FANK1: variants seen among roughly 807,000 people sequenced by gnomAD.
FANK1 encodes the protein fibronectin type III and ankyrin repeat domains 1.
Under a neutral mutation model 45.3 loss-of-function variants are expected in FANK1, and 44 were observed. The ratio of observed to expected loss-of-function variants is 0.97; its 90% CI spans 0.76 to 1.25. The LOEUF is 1.25. Ranked by LOEUF, FANK1 falls within the 50% of genes most tolerant of loss-of-function variation. The pLI, the probability that FANK1 is intolerant of heterozygous loss-of-function variation, is 0.00. For synonymous variants in FANK1, 149 were observed against 152.5 expected, an observed-to-expected ratio of 0.98 and a Z score of 0.17; for missense variants, 391 against 424.4, an observed-to-expected ratio of 0.92 and a Z score of 0.69.
intron 6 of FANK1, among the ~76,000 whole-genome samples, chr10:126,001,803 C>A (rs1590236846): frequency 6.6e-6 from 1 of 151,752 alleles, no homozygotes; most frequent in East Asian, 2.0e-4. Context: ...TCAATGAGCT[C>A]ATTGCTGGGC....
rs56736210 is a variant in FANK1, at chr10:125,907,572, A to ATGTG, written c.13+10937_13+10940dup. 3.1e-5 allele frequency: 22 copies of ATGTG among 701,060 alleles called. No homozygotes were observed. The South Asian group carries it at 3.8e-4, about 12-fold the overall frequency. The allele number at this position is 701,060 out of a possible 1,614,324, so 43.4% of individuals were successfully genotyped here. A position where few individuals can be genotyped will look rare whatever the true frequency, so the allele number is the denominator to read the frequency against. Reference sequence around the variant, plus strand: ...AATGTGATGGGTTGTTACTCCTGGGATGTGTGTGTGTGTGTGTGTGTGTAT... The same window carrying ATGTG: ...AATGTGATGGGTTGTTACTCCTGGGATGTGTGTGTGTGTGTGTGTGTGTGTGTAT... On this transcript the variant is annotated intron_variant, in intron 1 of 10. Coordinates refer to ENST00000368693, the MANE Select transcript of FANK1 (RefSeq NM_145235.5).
chr10:125,913,114 G>A (rs1238132765), intron 1 of FANK1, among the ~76,000 whole-genome samples: 1 of 152,168 alleles, frequency 6.6e-6, no homozygotes, highest in African/African-American at 2.4e-5. Context: ...AATGAATGAG[G>A]CCTTTTAAGG....
intron 1 of FANK1, among the ~76,000 whole-genome samples, chr10:125,959,427 A>AAAAAT (rs1949782832): frequency 2.0e-5 from 3 of 151,416 alleles, no homozygotes; most frequent in Non-Finnish European, 4.4e-5. Context: ...AAAAAAAAAA[A>AAAAAT]AAAAAAGATA....
chr10:126,003,090 G>T (rs1590243125), intron 6 of FANK1, among the ~76,000 whole-genome samples: 1 of 145,984 alleles, frequency 6.9e-6, no homozygotes, highest in Admixed American at 7.0e-5. Flanking sequence ...TCTGGTTCTA[G>T]ACCAGTCCTC....
chr10:125,923,671 G>A (rs1031599056), intron 1 of FANK1, among the ~76,000 whole-genome samples: 2 of 151,770 alleles, frequency 1.3e-5, no homozygotes, highest in Admixed American at 6.6e-5. Flanking sequence ...GGGACCACAG[G>A]CACGTGCCAC....
At chr10:125,987,925 A>G (rs1951674944) in intron 2 of FANK1, among the ~76,000 whole-genome samples, 1 of 152,172 alleles carries the variant, frequency 6.6e-6, no homozygotes, top group Non-Finnish European at 1.5e-5. Context: ...GTGGATTTCC[A>G]TCGTGAGTCT....
intron 1 of FANK1, among the ~76,000 whole-genome samples, chr10:125,977,033 C>T (rs1202179189): frequency 6.6e-6 from 1 of 151,802 alleles, no homozygotes; most frequent in Admixed American, 6.6e-5. Context: ...TTGTTCTTTT[C>T]CTTAGATTTG....
chr10:125,978,732 T>C (rs908475617), intron 1 of FANK1, among the ~76,000 whole-genome samples: 1 of 152,170 alleles, frequency 6.6e-6, no homozygotes, highest in Admixed American at 6.5e-5. Context: ...CCCCTCCCCC[T>C]GGGAGCTCCT....
At chr10:125,935,718 A>G (rs1948052005) in intron 1 of FANK1, among the ~76,000 whole-genome samples, 1 of 152,174 alleles carries the variant, frequency 6.6e-6, no homozygotes, top group Non-Finnish European at 1.5e-5. Context: ...ATTGTCCAAT[A>G]TATTTCTATA....
intron 1 of FANK1, among the ~76,000 whole-genome samples, chr10:125,970,888 C>A (rs2134190417): frequency 6.6e-6 from 1 of 152,232 alleles, no homozygotes; most frequent in African/African-American, 2.4e-5. Flanking sequence ...TTGAATTTTT[C>A]AAAATGTTGA....
At chr10:125,961,917 C>CT (rs1949950669) in intron 1 of FANK1, among the ~76,000 whole-genome samples, 1 of 152,158 alleles carries the variant, frequency 6.6e-6, no homozygotes. Context: ...GCCCCCTAGC[C>CT]TGGGTGATAG....
chr10:125,922,631 C>T (rs1947024307), intron 1 of FANK1, among the ~76,000 whole-genome samples: 1 of 152,176 alleles, frequency 6.6e-6, no homozygotes, highest in Admixed American at 6.5e-5. Context: ...ATCCTCCCAC[C>T]TCAGCCTCCC....
chr10:125,929,295 T>C (rs1189105788), intron 1 of FANK1, among the ~76,000 whole-genome samples: 2 of 151,936 alleles, frequency 1.3e-5, no homozygotes, highest in Non-Finnish European at 2.9e-5. Flanking sequence ...GGTAGCAGCC[T>C]TCAGAATAGG....
At chr10:125,920,279 C>G (rs1384663470) in intron 1 of FANK1, among the ~76,000 whole-genome samples, 1 of 152,154 alleles carries the variant, frequency 6.6e-6, no homozygotes, top group Admixed American at 6.5e-5. Flanking sequence ...TAGACCAAAC[C>G]TTGACATTTC....
intron 1 of FANK1, among the ~76,000 whole-genome samples, chr10:125,948,569 G>C (rs1396829502): frequency 2.6e-5 from 4 of 152,196 alleles, no homozygotes; most frequent in Non-Finnish European, 5.9e-5. Flanking sequence ...CCAGGAAGAA[G>C]TTGAATCTCT....
Position 125,995,353 on chromosome 10 carries a change from G to A in FANK1, c.317-64G>A, listed in dbSNP as rs1271389033. 8.8e-6 allele frequency: 13 copies of A among 1,482,476 alleles called. No homozygotes were observed. The East Asian group carries it at 9.0e-5, about 10-fold the overall frequency. The allele number at this position is 1,482,476 out of a possible 1,614,324, so 91.8% of individuals were successfully genotyped here. On this transcript the variant is annotated intron_variant, in intron 3 of 10. Coordinates refer to ENST00000368693, the MANE Select transcript of FANK1 (RefSeq NM_145235.5). ...GATCCCCTGAAGGCCACAGGAGGAC[G>A]ATGGCGGGAAGCAGTCTCCTTTTCT...
chr10:125,979,542 C>A lies in FANK1; in HGVS notation c.14-619C>A, dbSNP rs564037278. The stretch of plus-strand genomic sequence containing the variant: ...GTGAACTCCAATAGTTATGAAATTT[C>A]TTTTTCAGTTTCTGACTGGATATAA... On this transcript the variant is annotated intron_variant, in intron 1 of 10. Transcript: ENST00000368693. Among the ~76,000 whole-genome samples, 5 of 152,302 alleles carry A rather than the reference C, an allele frequency of 3.3e-5. No homozygotes were observed. In the South Asian group the frequency reaches 6.2e-4, roughly 19 times the overall value.
chr10:125,979,160 C>A (rs567798991), intron 1 of FANK1, among the ~76,000 whole-genome samples: 4 of 152,022 alleles, frequency 2.6e-5, no homozygotes, highest in Admixed American at 6.6e-5. Context: ...TCCGTGCTGA[C>A]CCCCGGGGGG....
intron 1 of FANK1, among the ~76,000 whole-genome samples, chr10:125,967,282 T>TC (rs1022411799): frequency 2.8e-4 from 42 of 152,340 alleles, no homozygotes; most frequent in African/African-American, 9.4e-4. Flanking sequence ...GAATCCTGGC[T>TC]CTGCTGCTTG....
Sources: allele counts gnomAD v4.1 joint callset (sites outside exome capture counted in the v4.1 genomes callset), GRCh38; gene constraint gnomAD v4.1.1; transcripts MANE v1.5; gene names NCBI Gene and HGNC (gene_info 2026-07-23, HGNC 2026-07-21).